CDX1: variants seen among roughly 807,000 people sequenced by gnomAD.
The protein encoded by CDX1 is caudal type homeobox 1.
CDX1 carries 9 observed loss-of-function variants against 16.9 expected under a neutral mutation model. The ratio of observed to expected loss-of-function variants is 0.53; its 90% CI spans 0.32 to 0.93. The LOEUF (loss-of-function observed/expected upper bound fraction) is 0.93. Ranked by LOEUF, CDX1 falls within the 40% of genes least tolerant of loss-of-function variation. CDX1 has a pLI of 0.04. For synonymous variants in CDX1, 179 were observed against 179.0 expected (o/e 1.00, Z 0.00); for missense variants, 393 against 386.1 (o/e 1.02, Z -0.15).
At position 150,167,129 on chromosome 5, in the gene CDX1, GC is replaced by G; in HGVS notation, c.255del (p.Ser86AlafsTer113). 7.5e-7 allele frequency: 1 copy of G among 1,329,872 alleles called. No individual in the cohort carries two copies. The highest frequency in any genetic ancestry group is 2.1e-5 in the South Asian group (1 of 47,628). The allele number at this position is 1,329,872 out of a possible 1,614,324, so 82.4% of individuals were successfully genotyped here. On this transcript the variant is annotated frameshift_variant, in exon 1 of 3. Coordinates refer to ENST00000231656, the MANE Select transcript of CDX1 (RefSeq NM_001804.3). LOFTEE classifies it high-confidence loss of function. ...CGGCCCGGGCCCCGCGGCCCCTGCC[GC>G]CAGCCCAGCTTCGCTGGCATTCGGG... ...AYGPGPAAPAASPASLAFGPP... is the reference protein window; with the variant it reads ...AYGPGPAAPAXSPASLAFGPP...
intron 1 of CDX1, among the ~76,000 whole-genome samples, chr5:150,171,225 C>T (rs1382124614): frequency 1.3e-5 from 2 of 152,266 alleles, no homozygotes; most frequent in Non-Finnish European, 2.9e-5. Context: ...TGTACTGCTC[C>T]AGCTATCTTC....
rs762224070 is a variant in CDX1 at position 150,183,572 on chromosome 5, C to T, written c.690C>T (p.Asp230=). The T allele has an allele frequency of 1.2e-6, 2 of 1,611,738 alleles. No homozygotes were observed. The highest frequency in any genetic ancestry group is 3.3e-5 in the Admixed American group (2 of 59,842). ...QQPPQPPMAH[D]ITATPAGPSL... is the part of the protein sequence containing the mutation. Reference sequence around the variant, plus strand: ...CCCCACAGCCGCCGATGGCCCACGACATCACGGCCACCCCAGCCGGGCCAT... The same window carrying T: ...CCCCACAGCCGCCGATGGCCCACGATATCACGGCCACCCCAGCCGGGCCAT... The change falls in exon 3 of 3, where the codon GAC becomes GAT. Residue 230 remains aspartate, a synonymous_variant. Coordinates refer to ENST00000231656, the MANE Select transcript of CDX1 (RefSeq NM_001804.3).
At chr5:150,171,269 C>G (rs1761501702) in intron 1 of CDX1, among the ~76,000 whole-genome samples, 1 of 152,260 alleles carries the variant, frequency 6.6e-6, no homozygotes, top group African/African-American at 2.4e-5. Flanking sequence ...TCTCAAGGCA[C>G]ATGCCCTGCT....
intron 1 of CDX1, among the ~76,000 whole-genome samples, chr5:150,173,574 A>C (rs1761533344): frequency 6.6e-6 from 1 of 152,108 alleles, no homozygotes; most frequent in Non-Finnish European, 1.5e-5. Context: ...TGCTAATCCC[A>C]GTTTGTCATT....
intron 1 of CDX1, among the ~76,000 whole-genome samples, chr5:150,181,839 C>G (rs1219300739): frequency 1.3e-5 from 2 of 152,214 alleles, no homozygotes; most frequent in African/African-American, 4.8e-5. Context: ...AGTGCTGTAG[C>G]CCAGAGCTTG....
chr5:150,178,617 C>T (rs1580840645), intron 1 of CDX1, among the ~76,000 whole-genome samples: 1 of 152,204 alleles, frequency 6.6e-6, no homozygotes, highest in African/African-American at 2.4e-5. Context: ...GAGCCCAGGG[C>T]TCCTGGGGCT....
chr5:150,179,185 G>T (rs973747604), intron 1 of CDX1, among the ~76,000 whole-genome samples: 2 of 152,238 alleles, frequency 1.3e-5, no homozygotes, highest in African/African-American at 4.8e-5. Flanking sequence ...CCTGGTTTCT[G>T]AGCCACACGG....
In CDX1 at chr5:150,175,951, C is replaced by T. The variant is rs75353367; in HGVS notation, c.446-6817C>T. On this transcript the variant is annotated intron_variant, in intron 1 of 2. Transcript: ENST00000231656. Reference sequence around the variant, plus strand: ...AGCTTTTTACCCTTTCCAGACTGCTCTCACAGCCATTCTGTTCCCCAGGCA... The same window carrying T: ...AGCTTTTTACCCTTTCCAGACTGCTTTCACAGCCATTCTGTTCCCCAGGCA... 5.3e-3 allele frequency among the ~76,000 whole-genome samples: 807 copies of T among 152,338 alleles called. 6 individuals are homozygous for T. The highest frequency in any genetic ancestry group is 0.018 in the African/African-American group (756 of 41,570).
rs549410811 is a variant in CDX1 at position 150,171,380 on chromosome 5, C to T, written c.445+4059C>T. On this transcript the variant is annotated intron_variant, in intron 1 of 2. Transcript: ENST00000231656. ...AGACAGAATCTTGCTATGTCACCCA[C>T]GCTGGAGTACAGTGGTGCGATCTCG... 1.1e-4 allele frequency among the ~76,000 whole-genome samples: 16 copies of T among 152,256 alleles called. No homozygotes were observed. The South Asian group carries it at 3.1e-3, about 30-fold the overall frequency.
At position 150,167,228 on chromosome 5, in the gene CDX1, G is replaced by A; in HGVS notation, c.352G>A (p.Gly118Ser). 1 of 1,260,646 alleles carries A rather than the reference G, an allele frequency of 7.9e-7. No homozygotes were observed. The highest frequency in any genetic ancestry group is 3.3e-5 in the South Asian group (1 of 30,306). The allele number at this position is 1,260,646 out of a possible 1,614,324, so 78.1% of individuals were successfully genotyped here. ...GGGCCTCCTGGCGCAGCCCCTCGGG[G>A]GCCCGGGCACACCGTCCTCGCCCGG... is the stretch of plus-strand genomic sequence containing the variant. ...GPGLLAQPLG[G>S]PGTPSSPGAQ... Residue 118 changes from glycine (G) to serine (S), a missense_variant, in exon 1 of 3, where the codon GGC becomes AGC. Gly to Ser is a moderately conservative substitution (Grantham distance 56). Coordinates refer to ENST00000231656, the MANE Select transcript of CDX1 (RefSeq NM_001804.3).
At chr5:150,180,840 A>G (rs565043228) in intron 1 of CDX1, among the ~76,000 whole-genome samples, 8 of 152,206 alleles carry the variant, frequency 5.3e-5, no homozygotes, top group African/African-American at 1.7e-4. Flanking sequence ...CCCAGTCCCA[A>G]AGAAAGTCCT....
At position 150,182,809 on chromosome 5, in the gene CDX1, G is replaced by C. The variant is rs756165293; in HGVS notation, c.487G>C (p.Asp163His). 1.2e-6 allele frequency: 2 copies of C among 1,612,594 alleles called. No individual in the cohort carries two copies. Among genetic ancestry groups the C allele is most frequent in the South Asian group, 2.2e-5 (2 of 90,888 alleles). The change falls in exon 2 of 3, where the codon GAC becomes CAC. Residue 163 changes from aspartate to histidine, a missense_variant. Transcript: ENST00000231656. ...GGACAAGTACCGCGTGGTCTACACC[G>C]ACCACCAACGCCTGGAGCTGGAGAA... is the stretch of plus-strand genomic sequence containing the variant. Reference protein sequence around the residue: ...TKDKYRVVYTDHQRLELEKEF... With the variant: ...TKDKYRVVYTHHQRLELEKEF...
At position 150,167,218 on chromosome 5, in the gene CDX1, G is replaced by T. The variant is rs1223157068; in HGVS notation, c.342G>T (p.Gln114His). Residue 114 changes from glutamine (Q) to histidine (H), a missense_variant, in exon 1 of 3, where the codon CAG (glutamine) becomes CAT (histidine). Physicochemically the swap from Gln to His is conservative, Grantham distance 24. Transcript: ENST00000231656. ...GGCCCGGCCCGGGCCTCCTGGCGCA[G>T]CCCCTCGGGGGCCCGGGCACACCGT... ...PPGPGPGLLA[Q>H]PLGGPGTPSS... The T allele has an allele frequency of 7.9e-7, 1 of 1,261,516 alleles. No individual in the cohort carries two copies. The highest frequency in any genetic ancestry group is 9.9e-7 in the Non-Finnish European group (1 of 1,008,180). 78.1% of individuals were successfully genotyped at this position (1,261,516 alleles called of 1,614,324 possible). A position where few individuals can be genotyped will look rare whatever the true frequency, so the allele number is the denominator to read the frequency against.
chr5:150,178,521 G>C (rs1761598735), intron 1 of CDX1, among the ~76,000 whole-genome samples: 1 of 152,062 alleles, frequency 6.6e-6, no homozygotes, highest in Admixed American at 6.5e-5. Context: ...CCACCCCACT[G>C]CTCTCACACA....
rs989768606 is a variant in CDX1, at chr5:150,167,141, T to A, written c.265T>A (p.Ser89Thr). ...GPAAPAASPA[S>T]LAFGPPPDFS... The stretch of plus-strand genomic sequence containing the variant: ...CGCGGCCCCTGCCGCCAGCCCAGCT[T>A]CGCTGGCATTCGGGCCCCCTCCAGA... Residue 89 changes from serine (S) to threonine (T), a missense_variant, in exon 1 of 3, where the codon TCG becomes ACG. Transcript: ENST00000231656. The A allele has an allele frequency of 3.5e-5, 46 of 1,322,078 alleles. No individual in the cohort carries two copies. Among genetic ancestry groups the A allele is most frequent in the African/African-American group, 4.7e-5 (3 of 64,368 alleles). The allele number at this position is 1,322,078 out of a possible 1,614,324, so 81.9% of individuals were successfully genotyped here. A position where few individuals can be genotyped will look rare whatever the true frequency, so the allele number is the denominator to read the frequency against.
rs1212126742 is a variant in CDX1, at chr5:150,183,951, TG to T, written c.*273del. On this transcript the variant is annotated 3_prime_UTR_variant, in exon 3 of 3. Transcript: ENST00000231656. ...TCCCGTGGGCATCTCAAGCCCCAAA[TG>T]GTTGGGGGAGGGGCCTAGACAAGGC... The T allele has an allele frequency of 3.1e-6, 1 of 318,210 alleles. No individual in the cohort carries two copies. The highest frequency in any genetic ancestry group is 5.7e-6 in the Non-Finnish European group (1 of 174,854). The allele number at this position is 318,210 out of a possible 1,614,324, so 19.7% of individuals were successfully genotyped here. A position where few individuals can be genotyped will look rare whatever the true frequency, so the allele number is the denominator to read the frequency against.
rs927192771 is a variant in CDX1 at position 150,179,963 on chromosome 5, C to G, written c.446-2805C>G. On this transcript the variant is annotated intron_variant, in intron 1 of 2. Coordinates refer to ENST00000231656, the MANE Select transcript of CDX1 (RefSeq NM_001804.3). The stretch of plus-strand genomic sequence containing the variant: ...GCATGGGGCATGGCCTTGGGCAGGC[C>G]CGTGCCTGCCTGGGCCTCAGTGACC... Among the ~76,000 whole-genome samples the G allele has an allele frequency of 2.1e-4, 32 of 152,232 alleles. 1 individual carries two copies. The highest frequency in any genetic ancestry group is 2.0e-3 in the Admixed American group (31 of 15,280).
At chr5:150,171,352 T>C (rs1350542477) in intron 1 of CDX1, among the ~76,000 whole-genome samples, 1 of 152,246 alleles carries the variant, frequency 6.6e-6, no homozygotes, top group Non-Finnish European at 1.5e-5. Flanking sequence ...TTTCTTTTTT[T>C]TGAGACAGAA....
intron 1 of CDX1, among the ~76,000 whole-genome samples, chr5:150,167,895 C>T (rs892572957): frequency 6.6e-6 from 1 of 152,212 alleles, no homozygotes; most frequent in African/African-American, 2.4e-5. Flanking sequence ...CAGGGTCCTC[C>T]CTGAACTCTT....
Sources: gnomAD v4.1 joint callset for allele counts (sites outside exome capture counted in the v4.1 genomes callset) on GRCh38, gnomAD v4.1.1 for gene constraint, MANE v1.5 for transcripts, NCBI Gene and HGNC (gene_info 2026-07-23, HGNC 2026-07-21) for gene names.